RPS6KA2: variants seen among roughly 807,000 people sequenced by gnomAD.
The protein encoded by RPS6KA2 is ribosomal protein S6 kinase alpha-2.
In RPS6KA2, 42 loss-of-function variants were observed where a neutral mutation model predicts 91.8. The ratio of observed to expected loss-of-function variants is 0.46; its 90% CI spans 0.36 to 0.59. RPS6KA2 has a LOEUF of 0.59. Ranked by LOEUF, RPS6KA2 falls within the 20% of genes least tolerant of loss-of-function variation. RPS6KA2 has a pLI of 0.00. For missense variants in RPS6KA2, 798 were observed against 978.5 expected (o/e 0.82, Z 2.46); for synonymous variants, 414 against 393.6 (o/e 1.05, Z -0.61).
At chr6:166,751,862 C>CAT (rs1791296072) in intron 2 of RPS6KA2, among the ~76,000 whole-genome samples, 1 of 151,754 alleles carries the variant, frequency 6.6e-6, no homozygotes, top group East Asian at 2.0e-4. Flanking sequence ...GGACCAAGGA[C>CAT]AGCATGGAGC....
chr6:166,737,124 C>T lies in RPS6KA2; in HGVS notation c.123+121076G>A, dbSNP rs533614483. ...TTTGTCAACTGTCACAAACGAGGTC[C>T]TTGATTTTCAATTTCCTGCAATCCT... is the stretch of plus-strand genomic sequence containing the variant. On this transcript the variant is annotated intron_variant, in intron 2 of 21. Transcript: ENST00000503859. The surrounding 1 kb of genome is among the most constrained non-coding windows in gnomAD (Gnocchi z 4.3). 1.3e-5 allele frequency among the ~76,000 whole-genome samples: 2 copies of T among 152,042 alleles called. No individual in the cohort carries two copies. Among genetic ancestry groups the T allele is most frequent in the African/African-American group, 4.8e-5 (2 of 41,442 alleles).
intron 1 of RPS6KA2, among the ~76,000 whole-genome samples, chr6:166,602,198 C>A (rs77889715): frequency 6.6e-6 from 1 of 152,212 alleles, no homozygotes; most frequent in Admixed American, 6.5e-5. Flanking sequence ...CGACTCAGTG[C>A]CTGATGTCCT....
rs957286113 is a variant in RPS6KA2 at position 166,493,654 on chromosome 6, G to C, written c.748-2913C>G. 1.3e-5 allele frequency among the ~76,000 whole-genome samples: 2 copies of C among 151,966 alleles called. No individual in the cohort carries two copies. Among genetic ancestry groups the C allele is most frequent in the Non-Finnish European group, 2.9e-5 (2 of 68,020 alleles). The stretch of plus-strand genomic sequence containing the variant: ...AAGGAGATGTAGCCAAAGCTCCACC[G>C]GGTGCAGGCCCGATGCTTCTGGGAA... On this transcript the variant is annotated intron_variant, in intron 8 of 20. Transcript: ENST00000265678. This position sits in a 1 kb window ranked among gnomAD's most constrained non-coding sequence, Gnocchi z 4.7.
intron 2 of RPS6KA2, among the ~76,000 whole-genome samples, chr6:166,673,371 T>C (rs911453075): frequency 6.6e-6 from 1 of 152,104 alleles, no homozygotes; most frequent in African/African-American, 2.4e-5. Flanking sequence ...GCAGCTGCCA[T>C]AAGGGGGTGC....
intron 2 of RPS6KA2, among the ~76,000 whole-genome samples, chr6:166,655,247 G>A (rs923421688): frequency 2.6e-5 from 4 of 152,032 alleles, no homozygotes; most frequent in African/African-American, 9.7e-5. Flanking sequence ...GTGTATCTAG[G>A]GTAAGACTGA....
intron 2 of RPS6KA2, among the ~76,000 whole-genome samples, chr6:166,807,049 CA>C (rs1448846803): frequency 6.6e-6 from 1 of 152,016 alleles, no homozygotes. Flanking sequence ...CTATAAAAAT[CA>C]ACTAAACACA....
intron 2 of RPS6KA2, among the ~76,000 whole-genome samples, chr6:166,687,488 A>G (rs1352927878): frequency 2.6e-5 from 4 of 152,220 alleles, no homozygotes; most frequent in African/African-American, 2.4e-5. Flanking sequence ...AGTAGAGGCC[A>G]GCGGGGTTTT....
chr6:166,735,650 T>C (rs1049546849), intron 2 of RPS6KA2, among the ~76,000 whole-genome samples: 2 of 147,824 alleles, frequency 1.4e-5, no homozygotes, highest in African/African-American at 5.2e-5. Flanking sequence ...GCAACCTAGA[T>C]CCCTCGTGTG....
Position 166,538,774 on chromosome 6 carries a change from ACG to A in RPS6KA2, c.108_109del (p.Val37ArgfsTer15). ...ATGGCTGATGTCTATCTCCTTCACGACGCCTTCTTCCTGCAAGAGAGCGGCAC... is the reference window on the plus strand; with the variant it reads ...ATGGCTGATGTCTATCTCCTTCACGACCTTCTTCCTGCAAGAGAGCGGCAC... On this transcript the variant is annotated frameshift_variant, in exon 2 of 21. Transcript: ENST00000265678. LOFTEE classifies it high-confidence loss of function. The A allele has an allele frequency of 1.9e-6, 3 of 1,586,302 alleles. No homozygotes were observed. Among genetic ancestry groups the A allele is most frequent in the Non-Finnish European group, 1.7e-6 (2 of 1,155,264 alleles).
chr6:166,457,633 C>T (rs12213436), intron 12 of RPS6KA2, among the ~76,000 whole-genome samples: 16,470 of 152,186 alleles, frequency 0.11, 1,109 homozygotes, highest in Admixed American at 0.16. Context: ...TTACAGTGCC[C>T]GGAATCAGCT....
intron 1 of RPS6KA2, among the ~76,000 whole-genome samples, chr6:166,584,339 A>G (rs1293947329): frequency 1.3e-5 from 2 of 152,180 alleles, no homozygotes; most frequent in Non-Finnish European, 1.5e-5. Context: ...CTTCACCTTC[A>G]TTACTTCCTT....
intron 10 of RPS6KA2, among the ~76,000 whole-genome samples, chr6:166,476,443 CGT>C (rs1232122907): frequency 6.6e-6 from 1 of 152,190 alleles, no homozygotes; most frequent in Non-Finnish European, 1.5e-5. Flanking sequence ...GCATTAGAGA[CGT>C]GTGTTTTTAT....
At chr6:166,421,735 C>T (rs796212650) in intron 17 of RPS6KA2, among the ~76,000 whole-genome samples, 2 of 152,246 alleles carry the variant, frequency 1.3e-5, no homozygotes, top group African/African-American at 4.8e-5. Flanking sequence ...TGTTAATAAA[C>T]TTCTTTTTCT....
intron 11 of RPS6KA2, among the ~76,000 whole-genome samples, chr6:166,464,627 G>T (rs900255418): frequency 1.3e-5 from 2 of 152,126 alleles, no homozygotes; most frequent in Non-Finnish European, 2.9e-5. Flanking sequence ...GGCTTGTGCT[G>T]TCTGCAGTGA....
chr6:166,813,567 T>A (rs1779692182), intron 2 of RPS6KA2, among the ~76,000 whole-genome samples: 1 of 152,152 alleles, frequency 6.6e-6, no homozygotes, highest in Admixed American at 6.5e-5. Flanking sequence ...AAAATCAATG[T>A]GTCTGCAGGG....
Position 166,603,374 on chromosome 6 carries a change from C to CGTGGG in RPS6KA2, c.99+23542_99+23546dup, listed in dbSNP as rs2128527689. 6.6e-6 allele frequency among the ~76,000 whole-genome samples: 1 copy of CGTGGG among 152,236 alleles called. No individual in the cohort carries two copies. The highest frequency in any genetic ancestry group is 1.9e-4 in the East Asian group (1 of 5,174). ...AGGAACTCAGCGCAGCCTCAGAGTG[C>CGTGGG]GTGGGGTGGGGCAGAGCTCTGGGAG... On this transcript the variant is annotated intron_variant, in intron 1 of 20. Transcript: ENST00000265678. This position sits in a 1 kb window ranked among gnomAD's most constrained non-coding sequence, Gnocchi z 4.3.
intron 2 of RPS6KA2, among the ~76,000 whole-genome samples, chr6:166,828,535 C>A (rs1328621190): frequency 2.6e-5 from 4 of 152,222 alleles, no homozygotes; most frequent in Non-Finnish European, 5.9e-5. Context: ...ACATAAAAAT[C>A]TAACAGAGCT....
chr6:166,744,309 C>T (rs895583238), intron 2 of RPS6KA2, among the ~76,000 whole-genome samples: 1 of 152,206 alleles, frequency 6.6e-6, no homozygotes, highest in African/African-American at 2.4e-5. Flanking sequence ...AGGCACCGGC[C>T]TCGGCCAGCG....
At chr6:166,480,514 T>TATATATATATATATATATATATATAA (rs1554279395) in intron 10 of RPS6KA2, among the ~76,000 whole-genome samples, 27 of 110,668 alleles carry the variant, frequency 2.4e-4, no homozygotes, top group African/African-American at 7.8e-4. Flanking sequence ...TATATATATA[T>TATATATATATATATATATATATATAA]AATATATTTT....
Sources: gnomAD v4.1 joint callset for allele counts (sites outside exome capture counted in the v4.1 genomes callset) on GRCh38, gnomAD v4.1.1 for gene constraint, Gnocchi (gnomAD v3.1) non-coding constraint, MANE v1.5 for transcripts, NCBI Gene and HGNC (gene_info 2026-07-23, HGNC 2026-07-21) for gene names.